Variants in ZFHX3 observed in about 807,000 individuals in gnomAD.
The protein encoded by ZFHX3 is zinc finger homeobox protein 3.
In ZFHX3, 42 loss-of-function variants were observed where a neutral mutation model predicts 279.1. The observed-to-expected ratio is 0.15, with a 90% CI of 0.12 to 0.19. The LOEUF (loss-of-function observed/expected upper bound fraction) is 0.19. Ranked by LOEUF, ZFHX3 falls within the 10% of genes least tolerant of loss-of-function variation. ZFHX3 has a pLI of 1.00. For synonymous variants in ZFHX3, 2,293 were observed against 1,957.8 expected (o/e 1.17, Z -4.52); for missense variants, 4,981 against 4,754.0 (o/e 1.05, Z -1.40).
chr16:73,349,147 C>T (rs533415542), intron 3 of ZFHX3, among the ~76,000 whole-genome samples: 18 of 111,760 alleles, frequency 1.6e-4, no homozygotes, highest in African/African-American at 4.2e-4. Flanking sequence ...TTGTGTCTTC[C>T]TGCTACCTCT....
chr16:73,425,038 T>C (rs2017787590), intron 3 of ZFHX3, among the ~76,000 whole-genome samples: 1 of 152,154 alleles, frequency 6.6e-6, no homozygotes, highest in Non-Finnish European at 1.5e-5. Flanking sequence ...CCTCTCTTCT[T>C]CTGTGTTTCT....
At position 72,793,748 on chromosome 16, in the gene ZFHX3, G is replaced by A. The variant is rs1161541621; in HGVS notation, c.8934C>T (p.Val2978=). The change falls in exon 9 of 10, where the codon GTC becomes GTT. Residue 2978 remains valine, a synonymous_variant. Transcript: ENST00000268489. The surrounding 1 kb of genome is among the most constrained non-coding windows in gnomAD (Gnocchi z 4.3). ...YRTPTMLECE[V]LGNDIGLPKR... is the part of the protein sequence containing the mutation. The stretch of plus-strand genomic sequence containing the variant: ...TTGGCAGTCCAATGTCATTGCCCAG[G>A]ACCTCACATTCTAGCATAGTGGGTG... The A allele has an allele frequency of 1.2e-6, 2 of 1,614,110 alleles. No homozygotes were observed. The highest frequency in any genetic ancestry group is 8.5e-7 in the Non-Finnish European group (1 of 1,180,036).
At chr16:72,942,422 G>A (rs930631672) in intron 3 of ZFHX3, among the ~76,000 whole-genome samples, 1 of 152,170 alleles carries the variant, frequency 6.6e-6, no homozygotes, top group African/African-American at 2.4e-5. Context: ...CTGGATGGGT[G>A]GGGGGTAGGT....
chr16:73,609,475 G>A (rs906744788), intron 2 of ZFHX3: 18 of 152,174 alleles, frequency 1.2e-4, no homozygotes, highest in African/African-American at 4.3e-4. Flanking sequence ...ATAGAAAGGA[G>A]TTTTCCTTTA....
At chr16:73,374,344 A>T (rs906838279) in intron 3 of ZFHX3, among the ~76,000 whole-genome samples, 2 of 151,236 alleles carry the variant, frequency 1.3e-5, no homozygotes, top group African/African-American at 4.9e-5. Flanking sequence ...GATCAAGGCC[A>T]GTCTTGTCAT....
chr16:73,657,967 T>C (rs973038544), intron 2 of ZFHX3, among the ~76,000 whole-genome samples: 4 of 152,236 alleles, frequency 2.6e-5, no homozygotes, highest in Non-Finnish European at 5.9e-5. Flanking sequence ...TGTTGACGAA[T>C]GGAATTAATG....
At chr16:72,891,792 C>A (rs901138633) in intron 3 of ZFHX3, among the ~76,000 whole-genome samples, 7 of 152,220 alleles carry the variant, frequency 4.6e-5, no homozygotes, top group Non-Finnish European at 1.0e-4. Flanking sequence ...CTGTCCCCAA[C>A]CCCCAGCCCA....
chr16:73,021,413 C>T (rs112682530), intron 1 of ZFHX3, among the ~76,000 whole-genome samples: 2 of 152,144 alleles, frequency 1.3e-5, no homozygotes, highest in East Asian at 1.9e-4. Context: ...TGGAGCAGAT[C>T]GAATAGCATC....
intron 8 of ZFHX3, among the ~76,000 whole-genome samples, chr16:73,087,530 G>A (rs1438826236): frequency 6.6e-6 from 1 of 152,118 alleles, no homozygotes; most frequent in Non-Finnish European, 1.5e-5. Context: ...GATATCACAG[G>A]GAAGCTGCTG....
Position 73,517,647 on chromosome 16 carries a change from C to A in ZFHX3, c.-1546-61389G>T, listed in dbSNP as rs186031636. On this transcript the variant is annotated intron_variant, in intron 2 of 17. Coordinates refer to the ZFHX3 transcript ENST00000641206. The stretch of plus-strand genomic sequence containing the variant: ...GAAATGTAGCAAACATAGTATCTTT[C>A]AACTATCCCACCTATGAGGTGAGGG... Among the ~76,000 whole-genome samples the A allele has an allele frequency of 3.3e-4, 50 of 152,334 alleles. No homozygotes were observed. The East Asian group carries it at 9.4e-3, about 29-fold the overall frequency.
At chr16:73,165,914 A>G (rs916600283) in intron 5 of ZFHX3, among the ~76,000 whole-genome samples, 4 of 152,246 alleles carry the variant, frequency 2.6e-5, no homozygotes, top group African/African-American at 9.6e-5. Context: ...ATAGAAGAGC[A>G]CAGGACAATT....
intron 2 of ZFHX3, among the ~76,000 whole-genome samples, chr16:73,600,996 T>C (rs2052108569): frequency 8.3e-6 from 1 of 121,136 alleles, no homozygotes; most frequent in Non-Finnish European, 1.7e-5. Flanking sequence ...CCATGAGTGA[T>C]AGCCTTTTTT....
At chr16:73,011,132 C>T (rs547222679) in intron 1 of ZFHX3, among the ~76,000 whole-genome samples, 31 of 152,208 alleles carry the variant, frequency 2.0e-4, no homozygotes, top group Admixed American at 1.6e-3. Flanking sequence ...CAGGCATGCA[C>T]CACCACACCG....
chr16:73,166,168 C>G (rs753311144), intron 5 of ZFHX3, among the ~76,000 whole-genome samples: 4 of 152,126 alleles, frequency 2.6e-5, no homozygotes, highest in Admixed American at 2.6e-4. Flanking sequence ...GGCTTTATCT[C>G]AAAGCTGGGT....
intron 3 of ZFHX3, among the ~76,000 whole-genome samples, chr16:72,895,651 G>A (rs536405152): frequency 3.4e-4 from 51 of 152,106 alleles, no homozygotes; most frequent in Admixed American, 1.9e-3. Flanking sequence ...GTGAGACCCC[G>A]TCTCTATAAA....
chr16:73,467,712 T>C (rs79880956), intron 2 of ZFHX3, among the ~76,000 whole-genome samples: 1 of 152,122 alleles, frequency 6.6e-6, no homozygotes, highest in Admixed American at 6.5e-5. Context: ...TAATAGAAAA[T>C]TGAAAAAAAG....
chr16:73,245,480 C>G (rs1254034529), intron 5 of ZFHX3, among the ~76,000 whole-genome samples: 1 of 152,086 alleles, frequency 6.6e-6, no homozygotes, highest in East Asian at 1.9e-4. Context: ...AGCAGACACT[C>G]AATCCAGGCA....
intron 2 of ZFHX3, among the ~76,000 whole-genome samples, chr16:73,507,671 T>C (rs2019352042): frequency 6.6e-6 from 1 of 151,930 alleles, no homozygotes; most frequent in Non-Finnish European, 1.5e-5. Flanking sequence ...GATTTTTCTT[T>C]TAATGTTTTT....
At chr16:73,729,845 T>A (rs1198318767) in intron 1 of ZFHX3, among the ~76,000 whole-genome samples, 1 of 152,198 alleles carries the variant, frequency 6.6e-6, no homozygotes, top group Non-Finnish European at 1.5e-5. Context: ...AAGAAGAATC[T>A]AGACTTGCTT....
Sources: gnomAD v4.1 joint callset for allele counts (sites outside exome capture counted in the v4.1 genomes callset) on GRCh38, gnomAD v4.1.1 for gene constraint, Gnocchi (gnomAD v3.1) non-coding constraint, MANE v1.5 for transcripts, NCBI Gene and HGNC (gene_info 2026-07-23, HGNC 2026-07-21) for gene names.